The following CSPP1 variants were observed in gnomAD, a reference collection of about 807,000 sequenced individuals.
CSPP1 encodes centrosome and spindle pole associated protein 1, also known as centrosome and spindle pole-associated protein 1.
In CSPP1, 126 loss-of-function variants were observed where a neutral mutation model predicts 164.4. The ratio of observed to expected loss-of-function variants is 0.77; its 90% confidence interval spans 0.66 to 0.89. The LOEUF is 0.89. Among genes scored for constraint, CSPP1 ranks in the 40% least tolerant of loss-of-function variants. CSPP1 has a pLI of 0.00. For synonymous variants in CSPP1, 472 were observed against 476.7 expected, an observed-to-expected ratio of 0.99 and a Z score of 0.13; for missense variants, 1,395 against 1,449.8, an observed-to-expected ratio of 0.96 and a Z score of 0.61.
intron 9 of CSPP1, among the ~76,000 whole-genome samples, chr8:67,109,729 G>A (rs1816428657): frequency 6.6e-6 from 1 of 151,952 alleles, no homozygotes; most frequent in South Asian, 2.1e-4. Context: ...TCCCATATCC[G>A]AGAAAATTAA....
intron 16 of CSPP1, chr8:67,135,815 A>G (rs148014082): frequency 2.0e-4 from 31 of 152,316 alleles, no homozygotes; most frequent in Non-Finnish European, 4.0e-4. Flanking sequence ...CTGTCTATGC[A>G]TTTGACAAGC....
Position 67,190,697 on chromosome 8 carries a change from C to T in CSPP1, c.3268C>T (p.Pro1090Ser), listed in dbSNP as rs200930857. The T allele has an allele frequency of 2.4e-5, 39 of 1,613,990 alleles. No homozygotes were observed. The highest frequency in any genetic ancestry group is 6.7e-5 in the Admixed American group (4 of 59,998). ...TGCCATTGAAGATGACGTCCTCCCT[C>T]CACCATCACAGTTGCCCTCTGCACG... ...YPAIEDDVLP[P>S]PSQLPSARER... The change falls in exon 29 of 31, where the codon CCA becomes TCA. Residue 1090 changes from proline to serine, a missense_variant. Transcript: ENST00000678616.
intron 15 of CSPP1, among the ~76,000 whole-genome samples, chr8:67,126,544 C>CTG (rs1466084591): frequency 1.3e-5 from 2 of 152,220 alleles, no homozygotes; most frequent in African/African-American, 2.4e-5. Context: ...CCAACTGGTT[C>CTG]TGTGTGTGTG....
At chr8:67,098,538 C>T (rs1485966332) in intron 7 of CSPP1, among the ~76,000 whole-genome samples, 1 of 151,800 alleles carries the variant, frequency 6.6e-6, no homozygotes, top group Admixed American at 6.6e-5. Context: ...TCTTAATTAA[C>T]AAGGTGGTTA....
chr8:67,152,054 C>G (rs1291317872), intron 18 of CSPP1, among the ~76,000 whole-genome samples: 1 of 144,440 alleles, frequency 6.9e-6, no homozygotes, highest in African/African-American at 2.6e-5. Context: ...CGCCACTGCA[C>G]TCCAGCCTGG....
intron 1 of CSPP1, among the ~76,000 whole-genome samples, chr8:67,066,177 C>A (rs1457073107): frequency 6.6e-6 from 1 of 152,180 alleles, no homozygotes; most frequent in Non-Finnish European, 1.5e-5. Flanking sequence ...TATTCACTCT[C>A]TCTTTGTATC....
chr8:67,111,909 A>G, intron 9 of CSPP1, 63 bp from the exon 10 acceptor site: 2 of 986,026 alleles, frequency 2.0e-6, no homozygotes, highest in Non-Finnish European at 1.5e-6. Flanking sequence ...TTAAGGACTT[A>G]ACTTTCTAAT....
chr8:67,186,966 CTATCATCTATCT>C (rs1563787638), intron 28 of CSPP1, among the ~76,000 whole-genome samples: 4 of 141,344 alleles, frequency 2.8e-5, no homozygotes, highest in South Asian at 2.3e-4. Flanking sequence ...ATAAATCTAT[CTATCATCTATCT>C]ATCTATCTAT....
Position 67,179,860 on chromosome 8 carries a change from T to C in CSPP1, c.3157-3T>C. The C allele has an allele frequency of 1.9e-6, 3 of 1,587,184 alleles. No homozygotes were observed. Among genetic ancestry groups the C allele is most frequent in the Non-Finnish European group, 2.6e-6 (3 of 1,158,784 alleles). ...AATAGTCATTGAAACATGTTTCTTT[T>C]AGCCCAGAGATGACACTAGTGATTT... On this transcript the variant is annotated splice_polypyrimidine_tract_variant and splice_region_variant and intron_variant, in intron 27 of 30. Coordinates refer to ENST00000678616, the MANE Select transcript of CSPP1 (RefSeq NM_001382391.1).
At chr8:67,172,255 A>G (rs1255183369) in intron 24 of CSPP1, among the ~76,000 whole-genome samples, 161 bp from the exon 25 acceptor site, 2 of 151,412 alleles carry the variant, frequency 1.3e-5, no homozygotes, top group African/African-American at 4.9e-5. Flanking sequence ...CTGCCTCCCA[A>G]AGTGCTGGGA....
At chr8:67,138,787 T>G (rs1251222538) in intron 17 of CSPP1, among the ~76,000 whole-genome samples, 2 of 152,220 alleles carry the variant, frequency 1.3e-5, no homozygotes, top group Non-Finnish European at 2.9e-5. Context: ...AGAAGCTCTT[T>G]AGTTTAATTA....
At position 67,105,919 on chromosome 8, in the gene CSPP1, A is replaced by C. The variant is rs1411427421; in HGVS notation, c.1037A>C (p.Glu346Ala). The C allele has an allele frequency of 6.3e-7, 1 of 1,578,666 alleles. No homozygotes were observed. The change falls in exon 9 of 31, where the codon GAA (glutamate) becomes GCA (alanine). Residue 346 changes from glutamate (E) to alanine (A), a missense_variant. By Grantham distance (107) the Glu-to-Ala change is moderately radical (BLOSUM62 -1). Transcript: ENST00000678616. ...TTTTTCTTTAGTGCTCCAGACAATG[A>C]AACATCCAAATCTGCTAATCAAGAT... ...SAENKSAPDN[E>A]TSKSANQDTC...
In CSPP1 at chr8:67,153,027, G is replaced by A. The variant is rs529206789; in HGVS notation, c.2129-997G>A. On this transcript the variant is annotated intron_variant, in intron 18 of 30. Transcript: ENST00000678616. ...AGCCTGGCCAATGTGACGAAATCCC[G>A]TCTCAACTAAAAATACAAAAAAAAA... Among the ~76,000 whole-genome samples the A allele has an allele frequency of 4.6e-3, 695 of 151,988 alleles. 1 individual carries two copies. The highest frequency in any genetic ancestry group is 7.4e-3 in the Non-Finnish European group (502 of 67,936).
chr8:67,136,073 C>T (rs1042334885), intron 16 of CSPP1, among the ~76,000 whole-genome samples: 1 of 151,952 alleles, frequency 6.6e-6, no homozygotes, highest in African/African-American at 2.4e-5. Flanking sequence ...ATTCATGGCG[C>T]CCCAAAACAA....
chr8:67,104,802 T>C (rs1815036661), intron 8 of CSPP1, among the ~76,000 whole-genome samples: 1 of 150,408 alleles, frequency 6.6e-6, no homozygotes, highest in African/African-American at 2.4e-5. Context: ...CACGCCTGGC[T>C]AATTTTTTTG....
chr8:67,065,371 C>A (rs995310633), intron 1 of CSPP1, among the ~76,000 whole-genome samples: 33 of 152,030 alleles, frequency 2.2e-4, no homozygotes, highest in African/African-American at 7.5e-4. Context: ...ACTAGGATTG[C>A]GGGGAAGACT....
chr8:67,183,841 G>A (rs1320681782), intron 28 of CSPP1, among the ~76,000 whole-genome samples: 13 of 143,538 alleles, frequency 9.1e-5, no homozygotes, highest in Non-Finnish European at 1.5e-4. Context: ...AAAAAATTGG[G>A]AATTTTTTTT....
intron 24 of CSPP1, among the ~76,000 whole-genome samples, chr8:67,169,722 G>A (rs1830120274): frequency 1.3e-5 from 2 of 152,118 alleles, no homozygotes; most frequent in South Asian, 4.2e-4. Flanking sequence ...TTACAGGTGT[G>A]AGCCACCGTG....
chr8:67,183,843 ATTTTTTTTTT>A (rs918103972), intron 28 of CSPP1, among the ~76,000 whole-genome samples: 28 of 108,214 alleles, frequency 2.6e-4, no homozygotes, highest in African/African-American at 9.1e-4. Context: ...AAAATTGGGA[ATTTTTTTTTT>A]TTTTTTTTTT....
Sources: allele counts gnomAD v4.1 joint callset (sites outside exome capture counted in the v4.1 genomes callset), GRCh38; gene constraint gnomAD v4.1.1; transcripts MANE v1.5; gene names NCBI Gene and HGNC (gene_info 2026-07-23, HGNC 2026-07-21).